The following GALNT13 variants were observed in gnomAD, a reference collection of about 807,000 sequenced individuals.
The protein encoded by GALNT13 is UDP-GalNAc:polypeptide N-acetylgalactosaminyltransferase 13.
GALNT13 carries 28 observed loss-of-function variants against 64.2 expected under a neutral mutation model. The ratio of observed to expected loss-of-function variants is 0.44; its 90% CI spans 0.32 to 0.60. The LOEUF is 0.60. Ranked by LOEUF, GALNT13 falls within the 20% of genes least tolerant of loss-of-function variation. The probability of loss-of-function intolerance (pLI) is 0.05; values close to 1 mark genes in which losing one functional copy is unlikely to be tolerated. For missense variants in GALNT13, 577 were observed against 669.8 expected (o/e 0.86, Z 1.53); for synonymous variants, 214 against 224.6 (o/e 0.95, Z 0.42).
At chr2:154,343,000 A>C (rs1023256318) in intron 9 of GALNT13, among the ~76,000 whole-genome samples, 1 of 152,014 alleles carries the variant, frequency 6.6e-6, no homozygotes, top group Admixed American at 6.6e-5. Flanking sequence ...TGTATTTAGT[A>C]TGAATTTGCC....
chr2:153,437,763 A>C, the GALNT13 span, among the ~76,000 whole-genome samples: 1 of 152,068 alleles, frequency 6.6e-6, no homozygotes, highest in East Asian at 1.9e-4. Flanking sequence ...ACACTGATGG[A>C]TCTTGACTCT....
chr2:153,156,542 C>G, the GALNT13 span, among the ~76,000 whole-genome samples: 1 of 152,134 alleles, frequency 6.6e-6, no homozygotes, highest in Non-Finnish European at 1.5e-5. Context: ...ATCGTTTTCA[C>G]TATTCCCCTA....
the GALNT13 span, among the ~76,000 whole-genome samples, chr2:153,082,911 C>T: frequency 2.0e-5 from 3 of 151,554 alleles, no homozygotes; most frequent in South Asian, 6.3e-4. Flanking sequence ...TCACTGCAAC[C>T]TCCGCCTCGC....
At chr2:154,376,036 A>G (rs939222603) in intron 9 of GALNT13, among the ~76,000 whole-genome samples, 1 of 152,224 alleles carries the variant, frequency 6.6e-6, no homozygotes, top group Non-Finnish European at 1.5e-5. Flanking sequence ...ATATATCACA[A>G]AAGAGAGACA....
At chr2:154,085,432 C>T (rs1701475072) in intron 3 of GALNT13, among the ~76,000 whole-genome samples, 1 of 151,938 alleles carries the variant, frequency 6.6e-6, no homozygotes, top group Admixed American at 6.6e-5. Flanking sequence ...ATAATTACAT[C>T]CAAATGCACA....
chr2:153,820,671 A>T, the GALNT13 span, among the ~76,000 whole-genome samples: 2 of 152,174 alleles, frequency 1.3e-5, no homozygotes, highest in Non-Finnish European at 2.9e-5. Context: ...ACACTTAGAA[A>T]ATATGTTACC....
At chr2:153,256,057 A>T in the GALNT13 span, among the ~76,000 whole-genome samples, 14 of 152,188 alleles carry the variant, frequency 9.2e-5, no homozygotes, top group African/African-American at 3.1e-4. Flanking sequence ...TATCCTGCAG[A>T]GTGTTTTCCA....
At chr2:154,266,199 T>G (rs1573982839) in intron 8 of GALNT13, among the ~76,000 whole-genome samples, 1 of 152,294 alleles carries the variant, frequency 6.6e-6, no homozygotes, top group Admixed American at 6.5e-5. Flanking sequence ...AATGCTTTCC[T>G]TCTAAGATCA....
chr2:154,133,572 ATATATATATAT>A (rs1257853298), intron 3 of GALNT13, among the ~76,000 whole-genome samples: 26 of 115,804 alleles, frequency 2.2e-4, no homozygotes, highest in African/African-American at 1.0e-3. Flanking sequence ...ATATATATAT[ATATATATATAT>A]ATCTGAGATG....
At chr2:154,196,928 A>G (rs991731194) in intron 4 of GALNT13, among the ~76,000 whole-genome samples, 6 of 152,152 alleles carry the variant, frequency 3.9e-5, no homozygotes, top group African/African-American at 1.4e-4. Flanking sequence ...ATTGGTTTTT[A>G]CTATTATTAT....
the GALNT13 span, among the ~76,000 whole-genome samples, chr2:153,651,470 C>G: frequency 1.2e-3 from 183 of 152,274 alleles, no homozygotes; most frequent in Non-Finnish European, 1.7e-3. Flanking sequence ...GTCCGTTGTT[C>G]TTTCAATATC....
At chr2:153,955,685 G>C (rs1245809627) in intron 3 of GALNT13, among the ~76,000 whole-genome samples, 1 of 152,150 alleles carries the variant, frequency 6.6e-6, no homozygotes, top group Non-Finnish European at 1.5e-5. Flanking sequence ...AGCCTGTAAA[G>C]GTTCTCAGTT....
the GALNT13 span, among the ~76,000 whole-genome samples, chr2:153,085,463 G>A: frequency 2.0e-5 from 3 of 152,240 alleles, no homozygotes; most frequent in East Asian, 5.8e-4. Flanking sequence ...GCTGTGTGCA[G>A]CCCTAGGACT....
chr2:154,354,246 G>T (rs1696585444), intron 9 of GALNT13, among the ~76,000 whole-genome samples: 1 of 151,918 alleles, frequency 6.6e-6, no homozygotes, highest in Non-Finnish European at 1.5e-5. Flanking sequence ...TTTTAATTGG[G>T]TTGTTTTTCT....
chr2:153,794,974 T>C, the GALNT13 span, among the ~76,000 whole-genome samples: 1 of 152,192 alleles, frequency 6.6e-6, no homozygotes, highest in African/African-American at 2.4e-5. Context: ...GTTAGTTCCA[T>C]TTTTTTCTTT....
At chr2:154,056,371 C>G (rs1175494015) in intron 3 of GALNT13, among the ~76,000 whole-genome samples, 3 of 152,046 alleles carry the variant, frequency 2.0e-5, no homozygotes, top group Non-Finnish European at 4.4e-5. Context: ...TTGGTAGCAT[C>G]TTTATATTTT....
At chr2:154,387,475 A>T (rs1008325714) in intron 9 of GALNT13, among the ~76,000 whole-genome samples, 1 of 152,090 alleles carries the variant, frequency 6.6e-6, no homozygotes, top group Non-Finnish European at 1.5e-5. Context: ...AAAATACACA[A>T]TGCATCGTTG....
the GALNT13 span, among the ~76,000 whole-genome samples, chr2:153,305,597 C>T: frequency 5.9e-5 from 9 of 152,266 alleles, no homozygotes; most frequent in African/African-American, 2.2e-4. Flanking sequence ...GAATGGTTTA[C>T]AACTCTGGTT....
the GALNT13 span, among the ~76,000 whole-genome samples, chr2:153,264,049 C>T: frequency 6.6e-6 from 1 of 152,166 alleles, no homozygotes; most frequent in Non-Finnish European, 1.5e-5. Flanking sequence ...ATCTATCCAT[C>T]TGACAGAGGT....
Sources: gnomAD v4.1 joint callset for allele counts (sites outside exome capture counted in the v4.1 genomes callset) on GRCh38, gnomAD v4.1.1 for gene constraint, MANE v1.5 for transcripts, NCBI Gene and HGNC (gene_info 2026-07-23, HGNC 2026-07-21) for gene names.